The following TYW1B variants were observed in gnomAD, a reference collection of about 807,000 sequenced individuals.
TYW1B encodes the protein tRNA-yW synthesizing protein 1 homolog B.
TYW1B carries 73 observed loss-of-function variants against 86.9 expected under a neutral mutation model. That is an observed-to-expected ratio of 0.84 (90% CI 0.70 to 1.02). TYW1B has a LOEUF of 1.02. Among genes scored for constraint, TYW1B ranks in the 50% least tolerant of loss-of-function variants. The pLI is 0.00. For missense variants in TYW1B, 637 were observed against 827.4 expected (o/e 0.77, Z 2.82); for synonymous variants, 248 against 292.8 (o/e 0.85, Z 1.56).
intron 11 of TYW1B, among the ~76,000 whole-genome samples, chr7:72,690,238 T>C (rs1814112906): frequency 6.6e-6 from 1 of 152,250 alleles, no homozygotes; most frequent in Non-Finnish European, 1.5e-5. Flanking sequence ...TCTGGTCACA[T>C]TGCTGATAAA....
intron 6 of TYW1B, among the ~76,000 whole-genome samples, chr7:72,797,810 G>A (rs782751621): frequency 8.5e-5 from 13 of 152,108 alleles, no homozygotes; most frequent in Admixed American, 7.2e-4. Context: ...GTAGGTAGCC[G>A]TGAGACTTCC....
intron 8 of TYW1B, among the ~76,000 whole-genome samples, chr7:72,741,879 A>G (rs782133257): frequency 6.6e-6 from 1 of 152,206 alleles, no homozygotes; most frequent in Non-Finnish European, 1.5e-5. Context: ...CTAGATTTCT[A>G]TATCTAGCAA....
intron 7 of TYW1B, among the ~76,000 whole-genome samples, chr7:72,767,859 TC>T (rs1483841846): frequency 2.6e-5 from 4 of 152,062 alleles, no homozygotes; most frequent in Non-Finnish European, 5.9e-5. Flanking sequence ...CAACTGGATA[TC>T]CATATTGGCA....
chr7:72,697,216 T>C (rs1814342894), intron 10 of TYW1B, among the ~76,000 whole-genome samples: 1 of 152,078 alleles, frequency 6.6e-6, no homozygotes, highest in South Asian at 2.1e-4. Flanking sequence ...AAGGCCATAC[T>C]CCTTTTACAA....
chr7:72,636,055 C>A (rs2129568916), intron 11 of TYW1B, among the ~76,000 whole-genome samples: 1 of 152,316 alleles, frequency 6.6e-6, no homozygotes, highest in Non-Finnish European at 1.5e-5. Context: ...GATACTTTTA[C>A]AACCCTGAAT....
chr7:72,768,855 C>A, intron 7 of TYW1B: 1 of 295,140 alleles, frequency 3.4e-6, no homozygotes, highest in South Asian at 4.1e-5. Context: ...TTCTCTGATT[C>A]ACAAACTCTA....
chr7:72,753,541 C>T (rs1787536827), intron 7 of TYW1B, among the ~76,000 whole-genome samples: 1 of 146,398 alleles, frequency 6.8e-6, no homozygotes, highest in Non-Finnish European at 1.5e-5. Flanking sequence ...AGTGCAGTGG[C>T]ACAATCTTGG....
At chr7:72,691,612 C>G (rs1237686542) in intron 11 of TYW1B, among the ~76,000 whole-genome samples, 2 of 152,156 alleles carry the variant, frequency 1.3e-5, no homozygotes, top group Non-Finnish European at 2.9e-5. Context: ...ATTTTCCATA[C>G]TCAAAGAACA....
intron 6 of TYW1B, among the ~76,000 whole-genome samples, chr7:72,779,301 G>A (rs1788008321): frequency 6.6e-6 from 1 of 152,232 alleles, no homozygotes; most frequent in Non-Finnish European, 1.5e-5. Context: ...AGGGTACCTA[G>A]GGGAGGATGG....
At chr7:72,708,008 G>C (rs34516888) in intron 10 of TYW1B, among the ~76,000 whole-genome samples, 6 of 152,162 alleles carry the variant, frequency 3.9e-5, no homozygotes, top group Non-Finnish European at 8.8e-5. Context: ...CGCCATGATT[G>C]TAAGTTTCCT....
intron 10 of TYW1B, among the ~76,000 whole-genome samples, chr7:72,712,336 CT>C (rs1345619151): frequency 2.7e-4 from 41 of 151,596 alleles, no homozygotes; most frequent in African/African-American, 8.0e-4. Flanking sequence ...CCAATAGCAT[CT>C]TTTTTTTTGA....
chr7:72,726,840 A>G (rs1293204130), intron 9 of TYW1B, among the ~76,000 whole-genome samples: 3 of 152,196 alleles, frequency 2.0e-5, no homozygotes, highest in Non-Finnish European at 4.4e-5. Context: ...CTCGCAGTTC[A>G]GCATGGCTGG....
intron 11 of TYW1B, among the ~76,000 whole-genome samples, chr7:72,664,996 T>A (rs1813427376): frequency 1.3e-5 from 2 of 152,152 alleles, no homozygotes; most frequent in Admixed American, 1.3e-4. Flanking sequence ...TGTATTTTTT[T>A]ATTGTTGTAT....
At chr7:72,672,473 A>ACAAACACACACACACAC (rs1813630351) in intron 11 of TYW1B, among the ~76,000 whole-genome samples, 6 of 140,884 alleles carry the variant, frequency 4.3e-5, no homozygotes, top group Admixed American at 2.1e-4. Context: ...TACACACACA[A>ACAAACACACACACACAC]ACACACACAC....
intron 13 of TYW1B, among the ~76,000 whole-genome samples, chr7:72,578,144 C>T (rs1811070574): frequency 6.9e-6 from 1 of 145,034 alleles, no homozygotes; most frequent in Non-Finnish European, 1.5e-5. Context: ...GACGGAGTCT[C>T]GCTCTGTCAC....
intron 6 of TYW1B, among the ~76,000 whole-genome samples, chr7:72,791,302 A>T (rs1788213576): frequency 6.6e-6 from 1 of 151,892 alleles, no homozygotes; most frequent in African/African-American, 2.4e-5. Flanking sequence ...CCTGGAGCCC[A>T]GTCTGGCGCT....
chr7:72,627,782 T>C (rs1199927678), intron 12 of TYW1B, among the ~76,000 whole-genome samples: 4 of 152,114 alleles, frequency 2.6e-5, no homozygotes, highest in African/African-American at 9.7e-5. Flanking sequence ...CAATCTTCTC[T>C]TGATCTAACT....
chr7:72,771,966 A>G (rs1787876188), intron 7 of TYW1B, among the ~76,000 whole-genome samples: 1 of 150,884 alleles, frequency 6.6e-6, no homozygotes, highest in African/African-American at 2.4e-5. Flanking sequence ...CATGCCTCAG[A>G]CTCCCACGTA....
At chr7:72,727,492 C>T (rs1787022047) in intron 9 of TYW1B, among the ~76,000 whole-genome samples, 1 of 152,136 alleles carries the variant, frequency 6.6e-6, no homozygotes, top group African/African-American at 2.4e-5. Context: ...GCGTGGTCCC[C>T]AGTTGAATAA....
Sources: gnomAD v4.1 joint callset for allele counts (sites outside exome capture counted in the v4.1 genomes callset) on GRCh38, gnomAD v4.1.1 for gene constraint, MANE v1.5 for transcripts, NCBI Gene and HGNC (gene_info 2026-07-23, HGNC 2026-07-21) for gene names.